Variants in SLC8A3 observed in about 807,000 individuals in gnomAD.
SLC8A3 encodes sodium/calcium exchanger 3.
In SLC8A3, 37 loss-of-function variants were observed where a neutral mutation model predicts 65.4. The observed-to-expected ratio is 0.57, with a 90% CI of 0.44 to 0.74. The LOEUF (loss-of-function observed/expected upper bound fraction) is 0.74, where lower values mean the gene tolerates loss of function less well. Ranked by LOEUF, SLC8A3 falls within the 30% of genes least tolerant of loss-of-function variation. The probability of loss-of-function intolerance (pLI) is 0.00; values close to 1 mark genes in which losing one functional copy is unlikely to be tolerated. For synonymous variants in SLC8A3, 461 were observed against 444.5 expected, an observed-to-expected ratio of 1.04 and a Z score of -0.47; for missense variants, 1,112 against 1,172.1, an observed-to-expected ratio of 0.95 and a Z score of 0.75.
rs192139531 is a variant in SLC8A3, at chr14:70,101,233, A to T, written c.1785-40294T>A. Among the ~76,000 whole-genome samples, 5 of 152,346 alleles carry T rather than the reference A, an allele frequency of 3.3e-5. No individual in the cohort carries two copies. The East Asian group carries it at 9.7e-4, about 29-fold the overall frequency. On this transcript the variant is annotated intron_variant, in intron 2 of 6. Transcript: ENST00000356921. ...ATTACAACTTAAATAAGTGCTTTGA[A>T]GGAAAAATATAGGGTAAAACAAGAG...
intron 3 of SLC8A3, among the ~76,000 whole-genome samples, chr14:70,055,601 G>C (rs1030784605): frequency 1.3e-5 from 2 of 152,140 alleles, no homozygotes; most frequent in African/African-American, 4.8e-5. Context: ...TGATGCTCAA[G>C]GAATTGCCTT....
At chr14:70,107,403 C>T (rs770150300) in intron 2 of SLC8A3, among the ~76,000 whole-genome samples, 11 of 152,100 alleles carry the variant, frequency 7.2e-5, no homozygotes, top group Non-Finnish European at 1.5e-4. Context: ...TGCCAGCAGC[C>T]ACTGTGCAAT....
At chr14:70,189,256 T>C (rs1329663269), upstream of SLC8A3, among the ~76,000 whole-genome samples, 1 of 151,870 alleles carries the variant, frequency 6.6e-6, no homozygotes, top group Non-Finnish European at 1.5e-5. Flanking sequence ...CGTTGGAGCC[T>C]GGCGCCCGCG....
intron 2 of SLC8A3, among the ~76,000 whole-genome samples, chr14:70,096,676 G>A (rs996506562): frequency 3.3e-5 from 5 of 152,126 alleles, no homozygotes; most frequent in Admixed American, 3.3e-4. Context: ...TCAGCTCACA[G>A]GGATATTGTA....
At chr14:70,182,246 A>T (rs573014462) in intron 1 of SLC8A3, among the ~76,000 whole-genome samples, 1 of 152,142 alleles carries the variant, frequency 6.6e-6, no homozygotes, top group Non-Finnish European at 1.5e-5. Flanking sequence ...GTTAGTAAAA[A>T]TTCAGGAGGA....
chr14:70,167,613 G>C lies in SLC8A3; in HGVS notation c.810C>G (p.His270Gln), dbSNP rs911976836. ...YMHKKYRTDK[H>Q]RGIIIETEGD... ...CCTCTGTCTCTATGATAATTCCTCG[G>C]TGTTTGTCTGTGCGGTACTTTTTGT... The change falls in exon 2 of 7, where the codon CAC becomes CAG. Residue 270 changes from histidine (H) to glutamine (Q), a missense_variant. His to Gln is a conservative substitution (Grantham distance 24, BLOSUM62 0). Transcript: ENST00000356921. 2 of 1,614,086 alleles carry C rather than the reference G, an allele frequency of 1.2e-6. No individual in the cohort carries two copies. Among genetic ancestry groups the C allele is most frequent in the Non-Finnish European group, 1.7e-6 (2 of 1,180,024 alleles).
At chr14:70,060,584 G>A (rs1888672130) in intron 3 of SLC8A3, 2 of 619,872 alleles carry the variant, frequency 3.2e-6, no homozygotes, top group East Asian at 3.5e-5. Flanking sequence ...GTGCTGCCCA[G>A]AAGGCGGTAA....
At chr14:70,063,590 G>A (rs994225275) in intron 2 of SLC8A3, among the ~76,000 whole-genome samples, 2 of 152,138 alleles carry the variant, frequency 1.3e-5, no homozygotes, top group Non-Finnish European at 1.5e-5. Flanking sequence ...AGCATCCCTC[G>A]TATGGATGCC....
chr14:70,053,042 C>A (rs1198019373), intron 3 of SLC8A3, among the ~76,000 whole-genome samples: 2 of 152,140 alleles, frequency 1.3e-5, no homozygotes, highest in Non-Finnish European at 2.9e-5. Context: ...ACCAAGCAGA[C>A]AGCCTTATAT....
rs1882741869 is a variant in SLC8A3 at position 70,181,457 on chromosome 14, G to A, written c.-63+6922C>T. On this transcript the variant is annotated intron_variant, in intron 1 of 6. Coordinates refer to ENST00000356921, the MANE Select transcript of SLC8A3 (RefSeq NM_182932.3). ...GCACTTGCTCCAGGAGGGATGGTAA[G>A]CCACACGCAAAAAAAAAAAAAAAAG... is the stretch of plus-strand genomic sequence containing the variant. 4.1e-5 allele frequency among the ~76,000 whole-genome samples: 5 copies of A among 121,334 alleles called. No homozygotes were observed. In the Admixed American group the frequency reaches 4.6e-4, roughly 11 times the overall value. 79.6% of individuals were successfully genotyped at this position (121,334 alleles called of 152,430 possible).
intron 1 of SLC8A3, among the ~76,000 whole-genome samples, chr14:70,183,991 C>T (rs141902244): frequency 2.6e-5 from 4 of 152,368 alleles, no homozygotes; most frequent in Admixed American, 1.3e-4. Context: ...TCTTTCTTCT[C>T]TTGCTGACCT....
intron 3 of SLC8A3, chr14:70,055,681 C>A: frequency 1.3e-6 from 1 of 797,442 alleles, no homozygotes; most frequent in South Asian, 2.1e-5. Flanking sequence ...GAGAAATTGT[C>A]AGGTTAACTT....
chr14:70,073,200 C>T (rs1890170136), intron 2 of SLC8A3, among the ~76,000 whole-genome samples: 1 of 152,056 alleles, frequency 6.6e-6, no homozygotes, highest in Non-Finnish European at 1.5e-5. Flanking sequence ...ACGGAGTGGG[C>T]TGAGGGTTAG....
At position 70,115,260 on chromosome 14, in the gene SLC8A3, G is replaced by T. The variant is rs796964611; in HGVS notation, c.1784+51379C>A. Among the ~76,000 whole-genome samples, 5 of 152,266 alleles carry T rather than the reference G, an allele frequency of 3.3e-5. 1 individual carries two copies. The highest frequency in any genetic ancestry group is 9.6e-5 in the African/African-American group (4 of 41,548). ...TTTCCCTGCCCGAGCTTTGGATTCA[G>T]TCATCTTTTCTTCCCCACTTCTCTT... On this transcript the variant is annotated intron_variant, in intron 2 of 6. Transcript: ENST00000356921.
At chr14:70,163,211 G>A (rs1284564301) in intron 2 of SLC8A3, among the ~76,000 whole-genome samples, 1 of 152,214 alleles carries the variant, frequency 6.6e-6, no homozygotes, top group African/African-American at 2.4e-5. Context: ...TTCCCTTGAA[G>A]GATAGAGAAT....
At chr14:70,087,383 T>C (rs927778134) in intron 2 of SLC8A3, among the ~76,000 whole-genome samples, 1 of 152,224 alleles carries the variant, frequency 6.6e-6, no homozygotes, top group African/African-American at 2.4e-5. Context: ...CATTGGCCGC[T>C]GATGTACCTT....
chr14:70,065,199 CA>C (rs1889285232), intron 2 of SLC8A3, among the ~76,000 whole-genome samples: 1 of 152,160 alleles, frequency 6.6e-6, no homozygotes, highest in South Asian at 2.1e-4. Context: ...TAAATGGGTA[CA>C]ACCTCCCTGC....
chr14:70,095,038 C>T (rs567467151), intron 2 of SLC8A3, among the ~76,000 whole-genome samples: 149 of 152,342 alleles, frequency 9.8e-4, no homozygotes, highest in Non-Finnish European at 1.8e-3. Flanking sequence ...TCTGAGCCTC[C>T]ATTTGCTTAT....
intron 1 of SLC8A3, among the ~76,000 whole-genome samples, chr14:70,174,411 C>T (rs1404583137): frequency 6.6e-6 from 1 of 152,070 alleles, no homozygotes; most frequent in African/African-American, 2.4e-5. Flanking sequence ...GTTAGATGAT[C>T]GCTATAGTTC....
Sources: gnomAD v4.1 joint callset for allele counts (sites outside exome capture counted in the v4.1 genomes callset) on GRCh38, gnomAD v4.1.1 for gene constraint, MANE v1.5 for transcripts, NCBI Gene and HGNC (gene_info 2026-07-23, HGNC 2026-07-21) for gene names.